The following WDR27 variants were observed in gnomAD, a reference collection of about 807,000 sequenced individuals.
WDR27 encodes the protein WD repeat-containing protein 27.
In WDR27, 100 loss-of-function variants were observed where a neutral mutation model predicts 114.4. The observed-to-expected ratio is 0.87, with a 90% confidence interval of 0.74 to 1.03. The LOEUF (loss-of-function observed/expected upper bound fraction) is 1.03, where lower values mean the gene tolerates loss of function less well. Ranked by LOEUF, WDR27 falls within the 50% of genes least tolerant of loss-of-function variation. WDR27 has a pLI of 0.00. For synonymous variants in WDR27, 449 were observed against 423.1 expected, an observed-to-expected ratio of 1.06 and a Z score of -0.75; for missense variants, 1,129 against 1,092.9, an observed-to-expected ratio of 1.03 and a Z score of -0.47.
chr6:169,486,609 A>G (rs965849692), intron 25 of WDR27, among the ~76,000 whole-genome samples: 3 of 152,164 alleles, frequency 2.0e-5, no homozygotes, highest in Non-Finnish European at 4.4e-5. Context: ...CTCCTGCCTC[A>G]GCCTCCTGAG....
chr6:169,571,497 C>A (rs1322939365), intron 25 of WDR27, among the ~76,000 whole-genome samples: 1 of 152,168 alleles, frequency 6.6e-6, no homozygotes, highest in Non-Finnish European at 1.5e-5. Context: ...CTGGCATAAA[C>A]ATTTACGTTC....
intron 2 of WDR27, among the ~76,000 whole-genome samples, chr6:169,686,522 T>C (rs1782996832): frequency 6.6e-6 from 1 of 152,072 alleles, no homozygotes; most frequent in Admixed American, 6.5e-5. Context: ...GAGAAACTCA[T>C]CTCACCAATA....
At position 169,497,404 on chromosome 6, in the gene WDR27, G is replaced by A. The variant is rs576847894; in HGVS notation, c.2646-39770C>T. On this transcript the variant is annotated intron_variant, in intron 25 of 25. Transcript: ENST00000448612. ...CAAAAAGCAACAAAAGAAAAAAATA[G>A]GCAAGTTGGACTTCGTGAAAATTTT... Among the ~76,000 whole-genome samples the A allele has an allele frequency of 3.4e-4, 52 of 152,202 alleles. No homozygotes were observed. The South Asian group carries it at 0.01, about 30-fold the overall frequency.
the WDR27 span, among the ~76,000 whole-genome samples, chr6:169,429,032 G>A: frequency 2.6e-5 from 4 of 152,208 alleles, no homozygotes; most frequent in Non-Finnish European, 2.9e-5. Context: ...AGAGTAGGAA[G>A]CAGCATCATT....
intron 25 of WDR27, among the ~76,000 whole-genome samples, chr6:169,517,225 C>A (rs1288365589): frequency 6.6e-6 from 1 of 152,156 alleles, no homozygotes; most frequent in Non-Finnish European, 1.5e-5. Flanking sequence ...CACATCTGCT[C>A]CTACTTCACC....
intron 21 of WDR27, among the ~76,000 whole-genome samples, chr6:169,622,059 T>C (rs1813489129): frequency 6.6e-6 from 1 of 152,234 alleles, no homozygotes; most frequent in East Asian, 1.9e-4. Context: ...AATGCAGATC[T>C]GACTGCCCCC....
chr6:169,440,738 C>T, the WDR27 span, among the ~76,000 whole-genome samples: 1 of 152,120 alleles, frequency 6.6e-6, no homozygotes, highest in Admixed American at 6.5e-5. Context: ...TTAAGTCCAC[C>T]TGTTGGGTAA....
chr6:169,620,972 G>A (rs1319988801), intron 21 of WDR27, among the ~76,000 whole-genome samples: 5 of 152,180 alleles, frequency 3.3e-5, no homozygotes, highest in African/African-American at 1.2e-4. Context: ...CAGAGCACCT[G>A]ACCTTGTGTA....
chr6:169,642,792 C>G (rs952133019), intron 17 of WDR27, among the ~76,000 whole-genome samples: 1 of 152,224 alleles, frequency 6.6e-6, no homozygotes, highest in Non-Finnish European at 1.5e-5. Context: ...GTCCCCAACT[C>G]AGCCCCACCA....
chr6:169,430,818 T>A, the WDR27 span, among the ~76,000 whole-genome samples: 3 of 152,136 alleles, frequency 2.0e-5, no homozygotes, highest in Non-Finnish European at 2.9e-5. Flanking sequence ...GCTGGAACAG[T>A]TTTTCCCGGT....
intron 25 of WDR27, among the ~76,000 whole-genome samples, chr6:169,496,217 T>G (rs904883310): frequency 2.6e-5 from 4 of 152,038 alleles, no homozygotes; most frequent in Non-Finnish European, 5.9e-5. Context: ...TCTCAATTGA[T>G]GCAGAAAAAA....
intron 23 of WDR27, among the ~76,000 whole-genome samples, chr6:169,592,310 G>A (rs1320608070): frequency 1.3e-5 from 2 of 152,042 alleles, no homozygotes; most frequent in Non-Finnish European, 1.5e-5. Context: ...CCTTCTTTAG[G>A]AAACTAAATC....
At chr6:169,569,844 G>C (rs1801083781) in intron 25 of WDR27, among the ~76,000 whole-genome samples, 1 of 152,106 alleles carries the variant, frequency 6.6e-6, no homozygotes, top group Non-Finnish European at 1.5e-5. Flanking sequence ...TTTCCAGTCT[G>C]AAGTGACTTG....
intron 21 of WDR27, among the ~76,000 whole-genome samples, chr6:169,623,167 C>A (rs972747428): frequency 6.6e-6 from 1 of 152,114 alleles, no homozygotes; most frequent in Non-Finnish European, 1.5e-5. Flanking sequence ...GTACCCCACC[C>A]GATCAATAAA....
chr6:169,495,559 TAAGGA>T (rs1790295480), intron 25 of WDR27, among the ~76,000 whole-genome samples: 1 of 151,560 alleles, frequency 6.6e-6, no homozygotes, highest in South Asian at 2.1e-4. Flanking sequence ...CCAGGTGGAT[TAAGGA>T]AAGAAGATTC....
At position 169,636,470 on chromosome 6, in the gene WDR27, G is replaced by T. The variant is rs753602166; in HGVS notation, c.1904C>A (p.Ala635Glu). Residue 635 changes from alanine (A) to glutamate (E), a missense_variant, in exon 19 of 26, where the codon GCA becomes GAA. Coordinates refer to ENST00000448612, the MANE Select transcript of WDR27 (RefSeq NM_182552.5). ...KDMFSKPIQS[A>E]QFYYIDAFIL... ...AAAGGCATCTATATAATAGAACTGT[G>T]CAGACTGTATAGGTTTAGAAAACAT... 1.2e-6 allele frequency: 2 copies of T among 1,613,718 alleles called. No homozygotes were observed. Among genetic ancestry groups the T allele is most frequent in the Non-Finnish European group, 1.7e-6 (2 of 1,179,774 alleles).
intron 25 of WDR27, among the ~76,000 whole-genome samples, chr6:169,505,393 CTT>C (rs1791871320): frequency 6.6e-6 from 1 of 152,182 alleles, no homozygotes; most frequent in African/African-American, 2.4e-5. Flanking sequence ...TCATTTATCT[CTT>C]ATCACAGATA....
chr6:169,682,133 G>A (rs1035108367), intron 2 of WDR27, among the ~76,000 whole-genome samples: 1 of 152,182 alleles, frequency 6.6e-6, no homozygotes, highest in African/African-American at 2.4e-5. Flanking sequence ...TCCTGCTGCA[G>A]TTGGGAAACT....
At chr6:169,640,210 G>A (rs80267898) in intron 17 of WDR27, among the ~76,000 whole-genome samples, 8,364 of 152,178 alleles carry the variant, frequency 0.055, 319 homozygotes, top group East Asian at 0.095. Context: ...ATCTCCCCAC[G>A]GAGCAGAAGA....
Sources: gnomAD v4.1 joint callset for allele counts (sites outside exome capture counted in the v4.1 genomes callset) on GRCh38, gnomAD v4.1.1 for gene constraint, MANE v1.5 for transcripts, NCBI Gene and HGNC (gene_info 2026-07-23, HGNC 2026-07-21) for gene names.